TPPP: variants seen among roughly 807,000 people sequenced by gnomAD.
TPPP encodes tubulin polymerization-promoting protein.
TPPP carries 6 observed loss-of-function variants against 15.5 expected under a neutral mutation model. That is an observed-to-expected ratio of 0.39 (90% CI 0.21 to 0.77). The LOEUF (loss-of-function observed/expected upper bound fraction) is 0.77, where lower values mean the gene tolerates loss of function less well. Ranked by LOEUF, TPPP falls within the 30% of genes least tolerant of loss-of-function variation. The pLI is 0.42. For synonymous variants in TPPP, 146 were observed against 133.9 expected (o/e 1.09, Z -0.63); for missense variants, 269 against 307.2 (o/e 0.88, Z 0.93).
intron 2 of TPPP, 138 bp downstream of exon 2, chr5:677,612 G>T (rs1484493809): frequency 5.3e-6 from 4 of 756,522 alleles, no homozygotes; most frequent in Non-Finnish European, 7.9e-6. Flanking sequence ...TGTCAGGGCT[G>T]CTTCTGAGAA....
intron 2 of TPPP, among the ~76,000 whole-genome samples, chr5:675,001 TGA>T (rs1740354543): frequency 2.6e-5 from 2 of 75,962 alleles, no homozygotes; most frequent in South Asian, 5.4e-4. Flanking sequence ...GGGGGAGCAG[TGA>T]GGGGGGCACA....
intron 2 of TPPP, among the ~76,000 whole-genome samples, chr5:669,076 C>G (rs6893815): frequency 6.6e-6 from 1 of 152,236 alleles, no homozygotes; most frequent in Admixed American, 6.5e-5. Context: ...ACCAAGTGCT[C>G]GGGGTCCCAC....
At chr5:669,851 G>A (rs573715713) in intron 2 of TPPP, among the ~76,000 whole-genome samples, 1 of 152,114 alleles carries the variant, frequency 6.6e-6, no homozygotes, top group Non-Finnish European at 1.5e-5. Flanking sequence ...AGCGGTGCCT[G>A]CCTCTTCCCC....
chr5:673,649 C>T (rs1561085887), intron 2 of TPPP, among the ~76,000 whole-genome samples: 4 of 152,212 alleles, frequency 2.6e-5, no homozygotes, highest in African/African-American at 9.6e-5. Context: ...CAGCTGTCTG[C>T]TCCCCCAGAC....
intron 2 of TPPP, among the ~76,000 whole-genome samples, chr5:675,505 G>GGCA (rs1740398290): frequency 1.2e-5 from 1 of 81,744 alleles, no homozygotes; most frequent in Non-Finnish European, 2.4e-5. Context: ...GGCCGGGGCT[G>GGCA]CAGTGTGACC....
In TPPP at chr5:665,096, C is replaced by T. The variant is rs755485475; in HGVS notation, c.*6G>A. 22 of 1,607,450 alleles carry T rather than the reference C, an allele frequency of 1.4e-5. No individual in the cohort carries two copies. The highest frequency in any genetic ancestry group is 1.1e-4 in the East Asian group (5 of 44,878). On this transcript the variant is annotated 3_prime_UTR_variant, in exon 4 of 4. Coordinates refer to ENST00000360578, the MANE Select transcript of TPPP (RefSeq NM_007030.3). ...ACCGGCAGTGCCGCGAGGCATGGAG[C>T]GGGGGCTACTTGCCCCCTTGCACCT...
chr5:665,963 T>C lies in TPPP; in HGVS notation c.465+7A>G, dbSNP rs376356798. 248 of 682,988 alleles carry C rather than the reference T, an allele frequency of 3.6e-4. No individual in the cohort carries two copies. Among genetic ancestry groups the C allele is most frequent in the Non-Finnish European group, 4.5e-4 (230 of 513,456 alleles). 42.3% of individuals were successfully genotyped at this position (682,988 alleles called of 1,614,324 possible). ...CAGGCCCCGCCTTCCATCCCCGCCC[T>C]GCTCACCGTCACCCCTGAGATGATG... On this transcript the variant is annotated splice_region_variant and intron_variant, in intron 3 of 3. Transcript: ENST00000360578.
rs1407930902 is a variant in TPPP at position 662,195 on chromosome 5, C to A, written c.*2907G>T. 6.6e-6 allele frequency: 1 copy of A among 152,580 alleles called. No homozygotes were observed. The highest frequency in any genetic ancestry group is 1.9e-4 in the East Asian group (1 of 5,334). The allele number at this position is 152,580 out of a possible 1,614,324, so 9.5% of individuals were successfully genotyped here. A position where few individuals can be genotyped will look rare whatever the true frequency, so the allele number is the denominator to read the frequency against. The stretch of plus-strand genomic sequence containing the variant: ...GCCGCTCCGGCCACTCCAGCCAGGT[C>A]TGGGAAGGGCTGTGGTGAGTCGGTG... On this transcript the variant is annotated 3_prime_UTR_variant, in exon 4 of 4. Coordinates refer to ENST00000360578, the MANE Select transcript of TPPP (RefSeq NM_007030.3).
At position 679,545 on chromosome 5, in the gene TPPP, T is replaced by C. The variant is rs626546; in HGVS notation, c.-4-1481A>G. ...AAACAGGAGCTTCTCACAGGCCTGG[T>C]CTGTGTTTCCCCTGGGCCTCTGCAG... On this transcript the variant is annotated intron_variant, in intron 1 of 3. Transcript: ENST00000360578. Among the ~76,000 whole-genome samples the C allele has an allele frequency of 7.2e-4, 109 of 152,054 alleles. 2 individuals carry two copies. Among genetic ancestry groups the C allele is most frequent in the African/African-American group, 1.1e-3 (47 of 41,440 alleles).
chr5:666,276 T>C (rs1035417298), intron 2 of TPPP, among the ~76,000 whole-genome samples, 153 bp from the exon 3 acceptor site: 2 of 152,030 alleles, frequency 1.3e-5, no homozygotes, highest in Non-Finnish European at 2.9e-5. Context: ...AAATCCAAAC[T>C]GTCTTGGAAG....
At chr5:669,683 C>T (rs1186920958) in intron 2 of TPPP, among the ~76,000 whole-genome samples, 4 of 152,192 alleles carry the variant, frequency 2.6e-5, no homozygotes, top group African/African-American at 7.2e-5. Context: ...GAGGGGCTCC[C>T]CCATCAGAGG....
chr5:667,902 G>C (rs532409195), intron 2 of TPPP, among the ~76,000 whole-genome samples: 674 of 65,576 alleles, frequency 0.01, 16 homozygotes, highest in East Asian at 0.015. Context: ...CCGTGTGGGC[G>C]CCGTCAGGGA....
At chr5:682,695 C>T (rs1740661355) in intron 1 of TPPP, among the ~76,000 whole-genome samples, 1 of 152,172 alleles carries the variant, frequency 6.6e-6, no homozygotes, top group Admixed American at 6.5e-5. Context: ...CTAGGGCCAG[C>T]TGCTGTTTTA....
rs757531846 is a variant in TPPP at position 665,262 on chromosome 5, G to A, written c.500C>T (p.Thr167Met). 8.1e-6 allele frequency: 13 copies of A among 1,613,530 alleles called. No individual in the cohort carries two copies. The highest frequency in any genetic ancestry group is 1.3e-5 in the African/African-American group (1 of 74,882). Residue 167 changes from threonine (T) to methionine (M), a missense_variant, in exon 4 of 4, where the codon ACG (threonine) becomes ATG (methionine). Physicochemically the swap from Thr to Met is moderately conservative, Grantham distance 81. Transcript: ENST00000360578. ...GGAGCCCGTGAACTTGGTGGTGTCC[G>A]TGAGCCTCGACACTGTGGGCGACGA... The part of the protein sequence containing the change: ...AISSPTVSRL[T>M]DTTKFTGSHK...
At position 663,242 on chromosome 5, in the gene TPPP, G is replaced by C. The variant is rs1739748582; in HGVS notation, c.*1860C>G. 4 of 152,274 alleles carry C rather than the reference G, an allele frequency of 2.6e-5. No individual in the cohort carries two copies. The highest frequency in any genetic ancestry group is 2.1e-4 in the South Asian group (1 of 4,818). The allele number at this position is 152,274 out of a possible 1,614,324, so 9.4% of individuals were successfully genotyped here. ...GGTGATTCCGAACCGCACATTCAGA[G>C]TTGTTTTCAAATGTTTCCGCACGTT... is the stretch of plus-strand genomic sequence containing the variant. On this transcript the variant is annotated 3_prime_UTR_variant, in exon 4 of 4. Transcript: ENST00000360578.
intron 2 of TPPP, among the ~76,000 whole-genome samples, chr5:676,797 C>G (rs935255731): frequency 6.0e-5 from 9 of 149,250 alleles, no homozygotes; most frequent in African/African-American, 2.3e-4. Flanking sequence ...CAGAAACGCA[C>G]GTGCACATGC....
chr5:673,440 G>C (rs748322466), intron 2 of TPPP, among the ~76,000 whole-genome samples: 7 of 151,992 alleles, frequency 4.6e-5, no homozygotes, highest in Non-Finnish European at 8.8e-5. Context: ...GGTCACAGGG[G>C]TCCATGGCTG....
At chr5:697,187 T>A (rs1173431681), upstream of TPPP, among the ~76,000 whole-genome samples, 6 of 47,998 alleles carry the variant, frequency 1.3e-4, no homozygotes, top group Admixed American at 9.0e-4. Flanking sequence ...AGGGAGCGAC[T>A]CTGGCCCCCC....
upstream of TPPP, among the ~76,000 whole-genome samples, chr5:694,298 T>C (rs454190): frequency 0.79 from 115,979 of 146,176 alleles, 45,445 homozygotes; most frequent in African/African-American, 0.94. Context: ...TTGAGGGGCA[T>C]AGGGGCACCT....
Sources: allele counts gnomAD v4.1 joint callset (sites outside exome capture counted in the v4.1 genomes callset), GRCh38; gene constraint gnomAD v4.1.1; transcripts MANE v1.5; gene names NCBI Gene and HGNC (gene_info 2026-07-23, HGNC 2026-07-21).